Variants in ODR4 observed in about 807,000 individuals in gnomAD.
ODR4 encodes the protein protein odr-4 homolog.
A neutral mutation model predicts 60.2 loss-of-function variants in ODR4; 47 were observed. That is an observed-to-expected ratio of 0.78 (90% CI 0.62 to 1.00). ODR4 has a LOEUF of 1.00. Among genes scored for constraint, ODR4 ranks in the 50% least tolerant of loss-of-function variants. The pLI is 0.00. For missense variants in ODR4, 488 were observed against 530.8 expected (o/e 0.92, Z 0.79); for synonymous variants, 178 against 175.5 (o/e 1.01, Z -0.11).
At chr1:186,377,609 A>C (rs1659835009) in intron 1 of ODR4, among the ~76,000 whole-genome samples, 1 of 152,236 alleles carries the variant, frequency 6.6e-6, no homozygotes, top group Non-Finnish European at 1.5e-5. Flanking sequence ...AAGTAGATAC[A>C]TAGAATTGCA....
Position 186,391,801 on chromosome 1 carries a change from G to A in ODR4, c.711+10G>A, listed in dbSNP as rs757879153. ...CCTATTAGAAGGACAGGTAAGTTAA[G>A]AGAAAATCATCTTATTAAATTGTTA... On this transcript the variant is annotated intron_variant, in intron 8 of 13. Coordinates refer to ENST00000287859, the MANE Select transcript of ODR4 (RefSeq NM_017847.6). The A allele has an allele frequency of 2.0e-6, 3 of 1,490,770 alleles. No homozygotes were observed. The highest frequency in any genetic ancestry group is 2.8e-6 in the Non-Finnish European group (3 of 1,078,136). 92.3% of individuals were successfully genotyped at this position (1,490,770 alleles called of 1,614,324 possible). A position where few individuals can be genotyped will look rare whatever the true frequency, so the allele number is the denominator to read the frequency against.
At chr1:186,425,845 T>C (rs560981970), downstream of ODR4, among the ~76,000 whole-genome samples, 1 of 152,300 alleles carries the variant, frequency 6.6e-6, no homozygotes, top group South Asian at 2.1e-4. Context: ...CTTGAGAACC[T>C]CTTGCTGGCT....
At chr1:186,411,333 C>T (rs7525634) in intron 12 of ODR4, among the ~76,000 whole-genome samples, 1 of 151,980 alleles carries the variant, frequency 6.6e-6, no homozygotes, top group Non-Finnish European at 1.5e-5. Flanking sequence ...ACTGAAAGGT[C>T]ACTGAAAGCA....
downstream of ODR4, among the ~76,000 whole-genome samples, chr1:186,423,665 G>A (rs950736271): frequency 7.3e-5 from 11 of 151,628 alleles, no homozygotes; most frequent in African/African-American, 2.4e-4. Context: ...AAGATGTCCA[G>A]GCTGGTCTTA....
At chr1:186,401,744 G>A (rs1382220103) in intron 11 of ODR4, among the ~76,000 whole-genome samples, 7 of 151,990 alleles carry the variant, frequency 4.6e-5, no homozygotes, top group Non-Finnish European at 8.8e-5. Flanking sequence ...TTGATGTACT[G>A]TTGCATTTGG....
downstream of ODR4, among the ~76,000 whole-genome samples, chr1:186,421,578 G>A (rs2102106791): frequency 6.6e-6 from 1 of 152,038 alleles, no homozygotes; most frequent in Non-Finnish European, 1.5e-5. Context: ...CAATAGATAG[G>A]GGATCGGCCA....
At chr1:186,405,708 C>T (rs1005346132) in intron 11 of ODR4, among the ~76,000 whole-genome samples, 6 of 152,178 alleles carry the variant, frequency 3.9e-5, no homozygotes, top group East Asian at 1.9e-4. Context: ...CCTGCCACCA[C>T]GCCTGACTAA....
chr1:186,393,727 A>C (rs1660556932), intron 8 of ODR4, among the ~76,000 whole-genome samples: 1 of 152,250 alleles, frequency 6.6e-6, no homozygotes, highest in Non-Finnish European at 1.5e-5. Flanking sequence ...GTGGTTTGCC[A>C]GTTGTTGCTT....
chr1:186,399,888 C>T (rs894276270), intron 11 of ODR4, among the ~76,000 whole-genome samples: 5 of 151,360 alleles, frequency 3.3e-5, no homozygotes, highest in Admixed American at 1.3e-4. Flanking sequence ...TTTATACCAT[C>T]GCAGTAATCT....
At chr1:186,408,453 C>A (rs1477234382) in intron 12 of ODR4, among the ~76,000 whole-genome samples, 1 of 151,028 alleles carries the variant, frequency 6.6e-6, no homozygotes, top group Non-Finnish European at 1.5e-5. Flanking sequence ...AATATAATTT[C>A]TCATTTGTTG....
intron 12 of ODR4, among the ~76,000 whole-genome samples, chr1:186,406,815 C>G (rs1054010502): frequency 3.3e-5 from 5 of 150,850 alleles, no homozygotes; most frequent in Non-Finnish European, 5.9e-5. Context: ...ATTTTTTTTT[C>G]CCTAGCCATC....
the ODR4 span, among the ~76,000 whole-genome samples, chr1:186,434,330 T>G: frequency 6.6e-6 from 1 of 152,164 alleles, no homozygotes; most frequent in Admixed American, 6.5e-5. Flanking sequence ...GAATAGCCAA[T>G]ACCTGGGTTT....
downstream of ODR4, among the ~76,000 whole-genome samples, chr1:186,421,978 G>A (rs117045475): frequency 6.6e-6 from 1 of 151,796 alleles, no homozygotes; most frequent in South Asian, 2.1e-4. Context: ...GAGGCGGGTG[G>A]GGGGTGAAGT....
At chr1:186,381,381 C>G (rs1027380138) in intron 2 of ODR4, among the ~76,000 whole-genome samples, 2 of 150,910 alleles carry the variant, frequency 1.3e-5, no homozygotes, top group East Asian at 3.9e-4. Flanking sequence ...GGCTGGAGTG[C>G]AGTGGCGCAA....
Position 186,419,312 on chromosome 1 carries a change from C to A in ODR4, c.*236C>A. On this transcript the variant is annotated 3_prime_UTR_variant, in exon 14 of 14. Transcript: ENST00000287859. The stretch of plus-strand genomic sequence containing the variant: ...ACGTTATGCATCTAGATGGAAGCTG[C>A]ATGTAACAAATCATTATTATCTATT... The A allele has an allele frequency of 1.9e-6, 1 of 523,278 alleles. No homozygotes were observed. The highest frequency in any genetic ancestry group is 3.4e-6 in the Non-Finnish European group (1 of 293,270). 32.4% of individuals were successfully genotyped at this position (523,278 alleles called of 1,614,324 possible).
chr1:186,405,853 T>G (rs75856021), intron 11 of ODR4, among the ~76,000 whole-genome samples: 22,391 of 152,100 alleles, frequency 0.15, 1,742 homozygotes, highest in Non-Finnish European at 0.16. Context: ...CGCCTGGAGA[T>G]AAGTTTATTT....
At chr1:186,404,688 A>G (rs1183830516) in intron 11 of ODR4, among the ~76,000 whole-genome samples, 2 of 152,230 alleles carry the variant, frequency 1.3e-5, no homozygotes, top group African/African-American at 2.4e-5. Flanking sequence ...TGCAAACAAG[A>G]TAATACACAG....
intron 1 of ODR4, among the ~76,000 whole-genome samples, chr1:186,376,562 T>C (rs757026622): frequency 6.6e-6 from 1 of 152,226 alleles, no homozygotes; most frequent in Non-Finnish European, 1.5e-5. Context: ...TTTTCTCTAG[T>C]TCTTACTTTT....
In ODR4 at chr1:186,420,124, T is replaced by C. The variant is rs1007960200; in HGVS notation, c.*1048T>C. On this transcript the variant is annotated 3_prime_UTR_variant, in exon 14 of 14. Transcript: ENST00000287859. ...GTAGGAGAATTTTCAAGAACCATACTTCGACATTTCCTCTGCCACAAAAAA... is the reference window on the plus strand; with the variant it reads ...GTAGGAGAATTTTCAAGAACCATACCTCGACATTTCCTCTGCCACAAAAAA... 1 of 152,210 alleles carries C rather than the reference T, an allele frequency of 6.6e-6. No individual in the cohort carries two copies. The highest frequency in any genetic ancestry group is 1.5e-5 in the Non-Finnish European group (1 of 68,026). 9.4% of individuals were successfully genotyped at this position (152,210 alleles called of 1,614,324 possible).
Sources: gnomAD v4.1 joint callset for allele counts (sites outside exome capture counted in the v4.1 genomes callset) on GRCh38, gnomAD v4.1.1 for gene constraint, MANE v1.5 for transcripts, NCBI Gene and HGNC (gene_info 2026-07-23, HGNC 2026-07-21) for gene names.